GRID2: variants seen among roughly 807,000 people sequenced by gnomAD.
GRID2 encodes the protein glutamate ionotropic receptor delta type subunit 2, also known as glutamate receptor ionotropic, delta-2.
GRID2 carries 33 observed loss-of-function variants against 114.8 expected under a neutral mutation model. The observed-to-expected ratio is 0.29, with a 90% CI of 0.22 to 0.38. The LOEUF (loss-of-function observed/expected upper bound fraction) is 0.38, where lower values mean the gene tolerates loss of function less well. Ranked by LOEUF, GRID2 falls within the 10% of genes least tolerant of loss-of-function variation. The pLI is 1.00. For missense variants in GRID2, 1,184 were observed against 1,257.7 expected, an observed-to-expected ratio of 0.94 and a Z score of 0.89; for synonymous variants, 505 against 449.9, an observed-to-expected ratio of 1.12 and a Z score of -1.55.
intron 2 of GRID2, among the ~76,000 whole-genome samples, chr4:93,045,264 T>C (rs530707574): frequency 3.3e-4 from 50 of 152,152 alleles, no homozygotes; most frequent in Non-Finnish European, 3.4e-4. Flanking sequence ...CCTTGGTCTA[T>C]GTTCCCTCTT....
At chr4:92,411,653 G>GTATATATATATATATATATATA (rs770186876) in intron 1 of GRID2, among the ~76,000 whole-genome samples, 133 of 98,760 alleles carry the variant, frequency 1.3e-3, no homozygotes, top group African/African-American at 5.6e-3. Context: ...GTGTGTGTGT[G>GTATATATATATATATATATATA]TGTATATATA....
intron 8 of GRID2, among the ~76,000 whole-genome samples, chr4:93,366,673 C>A (rs891943350): frequency 6.6e-6 from 1 of 152,030 alleles, no homozygotes; most frequent in Non-Finnish European, 1.5e-5. Context: ...TAAAAACTTA[C>A]TGGTTTTTGT....
At chr4:93,751,498 T>G (rs1450268991) in intron 14 of GRID2, among the ~76,000 whole-genome samples, 1 of 152,188 alleles carries the variant, frequency 6.6e-6, no homozygotes, top group Non-Finnish European at 1.5e-5. Context: ...TTTCTGGTTC[T>G]TGGGGGGAAA....
chr4:93,300,280 C>CT (rs1396415806), intron 8 of GRID2, among the ~76,000 whole-genome samples: 2 of 151,996 alleles, frequency 1.3e-5, no homozygotes, highest in Admixed American at 1.3e-4. Flanking sequence ...TATTTGAAAT[C>CT]TTTTTGATCC....
intron 2 of GRID2, among the ~76,000 whole-genome samples, chr4:92,772,386 G>A (rs533532657): frequency 2.0e-5 from 3 of 151,924 alleles, no homozygotes; most frequent in Admixed American, 2.0e-4. Flanking sequence ...TTGATTTCCT[G>A]TGCCCTACTC....
chr4:93,713,605 A>G (rs573259682), intron 14 of GRID2, among the ~76,000 whole-genome samples: 2 of 152,182 alleles, frequency 1.3e-5, no homozygotes, highest in South Asian at 4.1e-4. Context: ...AAAAGATTAT[A>G]TAATGTTAGG....
intron 2 of GRID2, among the ~76,000 whole-genome samples, chr4:92,602,795 C>G (rs185602106): frequency 1.0e-3 from 153 of 152,280 alleles, no homozygotes; most frequent in African/African-American, 3.5e-3. Context: ...GATCTTCTAT[C>G]TAGAAAACCC....
chr4:92,537,031 G>T (rs1725672224), intron 1 of GRID2, among the ~76,000 whole-genome samples: 1 of 151,976 alleles, frequency 6.6e-6, no homozygotes, highest in South Asian at 2.1e-4. Context: ...CTATAAATAG[G>T]CTTACTTCAG....
At position 93,490,430 on chromosome 4, in the gene GRID2, ATATT is replaced by A. The variant is rs1260239551; in HGVS notation, c.1859-205_1859-202del. Among the ~76,000 whole-genome samples, 8 of 151,980 alleles carry A rather than the reference ATATT, an allele frequency of 5.3e-5. No individual in the cohort carries two copies. In the East Asian group the frequency reaches 1.4e-3, roughly 26 times the overall value. On this transcript the variant is annotated intron_variant, in intron 11 of 15. Transcript: ENST00000282020. ...CTATCATTTAAACATGTTATACTAA[ATATT>A]TATCATGCTTCTTTTGGCTGGGTCT...
intron 2 of GRID2, 131 bp downstream of exon 2, chr4:92,590,417 A>T (rs1728654822): frequency 1.6e-6 from 1 of 631,398 alleles, no homozygotes; most frequent in African/African-American, 1.8e-5. Context: ...TTTTCCTTGG[A>T]GATCACTGTT....
chr4:93,110,727 A>G, intron 3 of GRID2, 21 bp from the exon 4 acceptor site: 6 of 1,517,780 alleles, frequency 4.0e-6, no homozygotes, highest in Non-Finnish European at 5.5e-6. Context: ...AGGTATTTTG[A>G]TGGGCTTTTG....
intron 1 of GRID2, among the ~76,000 whole-genome samples, chr4:93,789,317 T>C (rs1734651544): frequency 6.6e-6 from 1 of 152,244 alleles, no homozygotes; most frequent in South Asian, 2.1e-4. Flanking sequence ...AAATGTCATA[T>C]CTTGTCTAAA....
At chr4:93,715,956 C>T (rs572249613) in intron 14 of GRID2, among the ~76,000 whole-genome samples, 2 of 152,246 alleles carry the variant, frequency 1.3e-5, no homozygotes, top group African/African-American at 4.8e-5. Context: ...CCAGAACTTC[C>T]AATACCACAT....
At chr4:93,542,680 T>C (rs1168836402) in intron 13 of GRID2, among the ~76,000 whole-genome samples, 1 of 152,086 alleles carries the variant, frequency 6.6e-6, no homozygotes, top group Non-Finnish European at 1.5e-5. Flanking sequence ...ATCACCTACC[T>C]GAGAAGAGGT....
At chr4:93,658,327 T>G (rs1259499813) in intron 14 of GRID2, among the ~76,000 whole-genome samples, 1 of 152,200 alleles carries the variant, frequency 6.6e-6, no homozygotes, top group African/African-American at 2.4e-5. Context: ...CAGAAGTTAG[T>G]ATAAAATTAC....
At chr4:93,583,203 C>T (rs1274298975) in intron 13 of GRID2, among the ~76,000 whole-genome samples, 1 of 152,112 alleles carries the variant, frequency 6.6e-6, no homozygotes, top group Non-Finnish European at 1.5e-5. Flanking sequence ...CTTCAAAAAC[C>T]TATTTCCAAA....
At chr4:93,547,538 T>C (rs776320483) in intron 13 of GRID2, among the ~76,000 whole-genome samples, 13 of 152,198 alleles carry the variant, frequency 8.5e-5, no homozygotes, top group African/African-American at 1.4e-4. Context: ...TGTAAAACAG[T>C]GATAATTTAC....
At chr4:92,905,642 T>A (rs1004841985) in intron 2 of GRID2, among the ~76,000 whole-genome samples, 2 of 152,240 alleles carry the variant, frequency 1.3e-5, no homozygotes, top group South Asian at 2.1e-4. Context: ...ATTAATTTTT[T>A]AATTGTATTT....
chr4:92,581,730 C>T (rs1046402125), intron 1 of GRID2, among the ~76,000 whole-genome samples: 1 of 152,054 alleles, frequency 6.6e-6, no homozygotes, highest in Non-Finnish European at 1.5e-5. Context: ...TAGACCTTCT[C>T]ATTTTAAGTC....
Sources: gnomAD v4.1 joint callset for allele counts (sites outside exome capture counted in the v4.1 genomes callset) on GRCh38, gnomAD v4.1.1 for gene constraint, MANE v1.5 for transcripts, NCBI Gene and HGNC (gene_info 2026-07-23, HGNC 2026-07-21) for gene names.